ROBO1: variants seen among roughly 807,000 people sequenced by gnomAD.
The protein encoded by ROBO1 is roundabout homolog 1.
ROBO1 carries 149 observed loss-of-function variants against 195.9 expected under a neutral mutation model. The observed-to-expected ratio is 0.76, with a 90% CI of 0.67 to 0.87. The LOEUF (loss-of-function observed/expected upper bound fraction) is 0.87, where lower values mean the gene tolerates loss of function less well. ROBO1 is among the 40% of genes least tolerant of loss of function. The pLI, the probability that ROBO1 is intolerant of heterozygous loss-of-function variation, is 0.00. For missense variants in ROBO1, 1,933 were observed against 2,068.3 expected (o/e 0.93, Z 1.27); for synonymous variants, 816 against 733.2 (o/e 1.11, Z -1.82).
intron 2 of ROBO1, among the ~76,000 whole-genome samples, chr3:79,144,808 T>G (rs988701448): frequency 6.6e-6 from 1 of 152,138 alleles, no homozygotes; most frequent in African/African-American, 2.4e-5. Flanking sequence ...CATTTAAGTA[T>G]GCAAGATCCA....
intron 4 of ROBO1, among the ~76,000 whole-genome samples, chr3:78,817,079 G>A (rs548778129): frequency 1.2e-4 from 19 of 152,296 alleles, no homozygotes; most frequent in African/African-American, 4.6e-4. Context: ...TTTGAAAGAA[G>A]TTCTCTGAGT....
At chr3:78,771,139 T>G (rs1004326042) in intron 4 of ROBO1, among the ~76,000 whole-genome samples, 4 of 152,148 alleles carry the variant, frequency 2.6e-5, no homozygotes, top group African/African-American at 9.7e-5. Flanking sequence ...CAGTTTCACA[T>G]TGATTGAATA....
At chr3:79,729,499 T>C (rs1163894055) in intron 1 of ROBO1, among the ~76,000 whole-genome samples, 1 of 152,238 alleles carries the variant, frequency 6.6e-6, no homozygotes, top group African/African-American at 2.4e-5. Context: ...AAAAGTGCTG[T>C]GTTTGTTTAT....
chr3:79,343,612 G>A (rs571353391), intron 2 of ROBO1, among the ~76,000 whole-genome samples: 23 of 152,228 alleles, frequency 1.5e-4, no homozygotes, highest in African/African-American at 5.5e-4. Flanking sequence ...AAACGTAAAC[G>A]TGGAATACAC....
chr3:78,737,991 T>C (rs927619284), intron 5 of ROBO1, among the ~76,000 whole-genome samples: 1 of 152,154 alleles, frequency 6.6e-6, no homozygotes, highest in Non-Finnish European at 1.5e-5. Flanking sequence ...ACATCAGCTG[T>C]ATTAAGTATG....
At chr3:78,852,179 G>A (rs978891555) in intron 4 of ROBO1, among the ~76,000 whole-genome samples, 11 of 151,942 alleles carry the variant, frequency 7.2e-5, no homozygotes, top group African/African-American at 1.2e-4. Context: ...AAGCCATTTA[G>A]GGATCTCATT....
chr3:78,714,767 T>C, intron 7 of ROBO1: 1 of 386,260 alleles, frequency 2.6e-6, no homozygotes, highest in Non-Finnish European at 4.6e-6. Flanking sequence ...ATTTATTTAC[T>C]TATTTCCTCA....
At chr3:78,711,378 C>T (rs376701060) in intron 8 of ROBO1, among the ~76,000 whole-genome samples, 548 of 30,962 alleles carry the variant, frequency 0.018, 23 homozygotes, top group Middle Eastern at 0.052. Context: ...TTCCTTCCTT[C>T]CTTCCTTCCT....
At chr3:79,528,011 T>C (rs145486206) in intron 2 of ROBO1, 2 of 18,388 alleles carry the variant, frequency 1.1e-4, no homozygotes, top group African/African-American at 1.1e-3. Context: ...ACTGCCATTT[T>C]CTGAATGTGA....
At chr3:78,864,425 A>C (rs772916279) in intron 4 of ROBO1, among the ~76,000 whole-genome samples, 1 of 152,196 alleles carries the variant, frequency 6.6e-6, no homozygotes, top group Non-Finnish European at 1.5e-5. Context: ...AATTTTAATA[A>C]CATTTAATTT....
At chr3:79,259,723 G>GA (rs2082905265) in intron 2 of ROBO1, among the ~76,000 whole-genome samples, 2 of 152,014 alleles carry the variant, frequency 1.3e-5, no homozygotes, top group South Asian at 2.1e-4. Flanking sequence ...AACTCTATAA[G>GA]AAAAAATCTA....
chr3:79,309,601 G>A (rs947787461), intron 2 of ROBO1, among the ~76,000 whole-genome samples: 1 of 151,908 alleles, frequency 6.6e-6, no homozygotes. Flanking sequence ...GTGAGACCTG[G>A]TCTCAATAAA....
intron 3 of ROBO1, among the ~76,000 whole-genome samples, chr3:79,064,853 T>G (rs1244862273): frequency 6.6e-6 from 1 of 151,944 alleles, no homozygotes; most frequent in Non-Finnish European, 1.5e-5. Context: ...TGTCTTCATG[T>G]TTTTCCTCAA....
intron 5 of ROBO1, among the ~76,000 whole-genome samples, chr3:78,734,287 C>T (rs1339080657): frequency 6.6e-6 from 1 of 151,566 alleles, no homozygotes; most frequent in Non-Finnish European, 1.5e-5. Flanking sequence ...GTGGAACTAA[C>T]TTTTGGAAAA....
intron 1 of ROBO1, among the ~76,000 whole-genome samples, chr3:79,651,461 A>C (rs2106750124): frequency 6.6e-6 from 1 of 152,228 alleles, no homozygotes; most frequent in South Asian, 2.1e-4. Context: ...TGAGAGAGTT[A>C]ATTTTAAAGC....
At chr3:79,342,626 T>C (rs1223942643) in intron 2 of ROBO1, among the ~76,000 whole-genome samples, 3 of 152,096 alleles carry the variant, frequency 2.0e-5, no homozygotes, top group African/African-American at 7.2e-5. Flanking sequence ...AGTGGAAGGA[T>C]TAAGAGACTA....
chr3:78,707,486 A>C (rs1332986702), intron 8 of ROBO1, among the ~76,000 whole-genome samples: 4 of 152,258 alleles, frequency 2.6e-5, no homozygotes, highest in Admixed American at 2.6e-4. Context: ...TGATGTTTTA[A>C]CATTCCTATT....
intron 3 of ROBO1, among the ~76,000 whole-genome samples, chr3:78,969,456 A>C (rs930290623): frequency 3.9e-5 from 6 of 152,236 alleles, no homozygotes; most frequent in African/African-American, 1.4e-4. Flanking sequence ...GAATGTTGGA[A>C]ACATGATAGC....
intron 4 of ROBO1, among the ~76,000 whole-genome samples, chr3:78,751,979 A>C (rs976743812): frequency 2.6e-5 from 4 of 152,076 alleles, no homozygotes; most frequent in African/African-American, 9.7e-5. Flanking sequence ...TATCAATGAA[A>C]TCTTGCAGCA....
Sources: allele counts gnomAD v4.1 joint callset (sites outside exome capture counted in the v4.1 genomes callset), GRCh38; gene constraint gnomAD v4.1.1; transcripts MANE v1.5; gene names NCBI Gene and HGNC (gene_info 2026-07-23, HGNC 2026-07-21).